CAST: variants seen among roughly 807,000 people sequenced by gnomAD.
The protein encoded by CAST is calpastatin.
In CAST, 76 loss-of-function variants were observed where a neutral mutation model predicts 119.6. The ratio of observed to expected loss-of-function variants is 0.64; its 90% confidence interval spans 0.53 to 0.77. The LOEUF is 0.77. Ranked by LOEUF, CAST falls within the 30% of genes least tolerant of loss-of-function variation. The pLI is 0.00. For missense variants in CAST, 953 were observed against 946.5 expected (o/e 1.01, Z -0.09); for synonymous variants, 319 against 331.6 (o/e 0.96, Z 0.41).
At chr5:96,159,925 G>T in the CAST span, among the ~76,000 whole-genome samples, 1 of 150,748 alleles carries the variant, frequency 6.6e-6, no homozygotes, top group Non-Finnish European at 1.5e-5. Flanking sequence ...CTTGAGGTCA[G>T]TTCGAGAGCA....
the CAST span, among the ~76,000 whole-genome samples, chr5:96,191,878 A>T: frequency 1.3e-5 from 2 of 152,184 alleles, no homozygotes; most frequent in Non-Finnish European, 2.9e-5. Flanking sequence ...AGCTGATGGA[A>T]TTTTTTTAAA....
chr5:96,141,954 C>T, the CAST span, among the ~76,000 whole-genome samples: 1 of 152,158 alleles, frequency 6.6e-6, no homozygotes. Flanking sequence ...TAAATGTTGA[C>T]CATTTGAGGA....
At chr5:96,753,894 G>A (rs1581288112) in intron 20 of CAST, among the ~76,000 whole-genome samples, 166 bp from the exon 21 acceptor site, 1 of 152,162 alleles carries the variant, frequency 6.6e-6, no homozygotes, top group African/African-American at 2.4e-5. Flanking sequence ...AATGTTAAAC[G>A]TTTTGTTTTT....
chr5:96,265,703 G>A, the CAST span, among the ~76,000 whole-genome samples: 2 of 152,022 alleles, frequency 1.3e-5, no homozygotes, highest in South Asian at 2.1e-4. Context: ...AGTTATCTGG[G>A]CATCCCTTAG....
upstream of CAST, among the ~76,000 whole-genome samples, chr5:96,522,519 T>TA (rs895003785): frequency 7.9e-5 from 12 of 152,038 alleles, no homozygotes; most frequent in East Asian, 3.9e-4. Flanking sequence ...TGTTGCACAG[T>TA]AAAAAAAACA....
the CAST span, among the ~76,000 whole-genome samples, chr5:96,496,233 C>G: frequency 6.6e-6 from 1 of 151,936 alleles, no homozygotes; most frequent in East Asian, 1.9e-4. Context: ...TTAATTTTAT[C>G]ATATTTTGTT....
At chr5:96,696,067 TA>T (rs1377039632) in intron 3 of CAST, 160 bp downstream of exon 3, 2 of 419,492 alleles carry the variant, frequency 4.8e-6, no homozygotes, top group Non-Finnish European at 8.9e-6. Context: ...AATTTCTTAA[TA>T]ATGATGTGAA....
the CAST span, among the ~76,000 whole-genome samples, chr5:96,478,731 A>G: frequency 6.6e-6 from 1 of 152,244 alleles, no homozygotes; most frequent in Non-Finnish European, 1.5e-5. Context: ...AATGAGAAGT[A>G]TTTACCACAT....
chr5:96,033,996 T>C, the CAST span, among the ~76,000 whole-genome samples: 1 of 152,234 alleles, frequency 6.6e-6, no homozygotes, highest in Non-Finnish European at 1.5e-5. Context: ...AGAAGCTGGA[T>C]ACAGTGGCAT....
the CAST span, among the ~76,000 whole-genome samples, chr5:96,354,679 T>A: frequency 3.3e-5 from 5 of 149,298 alleles, no homozygotes; most frequent in Non-Finnish European, 5.9e-5. Context: ...GTATATATTA[T>A]GTATATTATA....
At chr5:96,640,799 AGGAGAG>A (rs771712484) in intron 1 of CAST, among the ~76,000 whole-genome samples, 1 of 152,176 alleles carries the variant, frequency 6.6e-6, no homozygotes, top group Non-Finnish European at 1.5e-5. Flanking sequence ...TCATGACGTT[AGGAGAG>A]GGAGGTGGCT....
At chr5:96,731,473 G>GTT (rs201905440) in intron 9 of CAST, among the ~76,000 whole-genome samples, 1,916 of 112,710 alleles carry the variant, frequency 0.017, 41 homozygotes, top group African/African-American at 0.049. Flanking sequence ...ATCCTTTAAG[G>GTT]TTTTTTTTTT....
At chr5:96,480,646 A>AGCAGAGGACAAGAATTCCAT in the CAST span, among the ~76,000 whole-genome samples, 2 of 152,206 alleles carry the variant, frequency 1.3e-5, no homozygotes, top group Non-Finnish European at 2.9e-5. Context: ...GTAAGAAACT[A>AGCAGAGGACAAGAATTCCAT]GCAGAGGACA....
chr5:96,580,325 T>C (rs1024200125), intron 1 of CAST, among the ~76,000 whole-genome samples: 2 of 152,200 alleles, frequency 1.3e-5, no homozygotes, highest in African/African-American at 4.8e-5. Context: ...ATGACGATAA[T>C]GACAAAATAT....
chr5:96,509,062 T>C, the CAST span, among the ~76,000 whole-genome samples: 1 of 152,228 alleles, frequency 6.6e-6, no homozygotes, highest in East Asian at 1.9e-4. Context: ...TTGTCATAGG[T>C]GTAAAATTAT....
At chr5:96,491,422 C>T in the CAST span, among the ~76,000 whole-genome samples, 2 of 128,046 alleles carry the variant, frequency 1.6e-5, no homozygotes, top group Admixed American at 9.5e-5. Flanking sequence ...ACCCGGGAGG[C>T]GGAGCTTGCA....
the CAST span, among the ~76,000 whole-genome samples, chr5:96,512,155 C>T: frequency 6.6e-6 from 1 of 152,224 alleles, no homozygotes; most frequent in African/African-American, 2.4e-5. Context: ...TGAACAATCA[C>T]TGTATACAGT....
At chr5:96,110,674 A>G in the CAST span, among the ~76,000 whole-genome samples, 3 of 152,208 alleles carry the variant, frequency 2.0e-5, no homozygotes, top group African/African-American at 4.8e-5. Flanking sequence ...AAAATTAACC[A>G]TACAATTACA....
chr5:96,495,897 A>T, the CAST span, among the ~76,000 whole-genome samples: 4 of 152,238 alleles, frequency 2.6e-5, no homozygotes, highest in African/African-American at 9.6e-5. Context: ...ATAATCAAGA[A>T]GTGAAGTTTC....
Sources: gnomAD v4.1 joint callset for allele counts (sites outside exome capture counted in the v4.1 genomes callset) on GRCh38, gnomAD v4.1.1 for gene constraint, MANE v1.5 for transcripts, NCBI Gene and HGNC (gene_info 2026-07-23, HGNC 2026-07-21) for gene names.